The following TRMT11 variants were observed in gnomAD, a reference collection of about 807,000 sequenced individuals.
The protein encoded by TRMT11 is tRNA (guanine(10)-N(2))-methyltransferase TRMT11.
A neutral mutation model predicts 62.8 loss-of-function variants in TRMT11; 53 were observed. The observed-to-expected ratio is 0.84, with a 90% confidence interval of 0.68 to 1.06. The LOEUF is 1.06. Among genes scored for constraint, TRMT11 ranks in the 50% least tolerant of loss-of-function variants. TRMT11 has a pLI of 0.00. For synonymous variants in TRMT11, 188 were observed against 190.3 expected, an observed-to-expected ratio of 0.99 and a Z score of 0.10; for missense variants, 556 against 553.4, an observed-to-expected ratio of 1.00 and a Z score of -0.05.
chr6:126,209,051 T>C, the TRMT11 span, among the ~76,000 whole-genome samples: 1 of 152,230 alleles, frequency 6.6e-6, no homozygotes, highest in Non-Finnish European at 1.5e-5. Context: ...TATACACTAA[T>C]GTTTATGGCC....
At chr6:126,110,834 C>G (rs1777523161) in intron 17 of TRMT11, among the ~76,000 whole-genome samples, 1 of 152,054 alleles carries the variant, frequency 6.6e-6, no homozygotes, top group Admixed American at 6.6e-5. Context: ...TTATTGCATG[C>G]CTATAGTCCC....
chr6:126,053,900 G>C (rs1005949172), intron 17 of TRMT11, among the ~76,000 whole-genome samples: 2 of 152,186 alleles, frequency 1.3e-5, no homozygotes, highest in African/African-American at 2.4e-5. Flanking sequence ...GATCATGTCA[G>C]GGGGTGAGGG....
chr6:126,206,881 A>T (rs1353044572), downstream of TRMT11, among the ~76,000 whole-genome samples: 2 of 152,186 alleles, frequency 1.3e-5, no homozygotes, highest in Non-Finnish European at 2.9e-5. Context: ...CAAGGTGGGA[A>T]TTTTTCCTTT....
In TRMT11 at chr6:125,995,976, T is replaced by C; in HGVS notation, c.148T>C (p.Trp50Arg). 1.2e-6 allele frequency: 2 copies of C among 1,607,370 alleles called. No homozygotes were observed. The highest frequency in any genetic ancestry group is 1.1e-5 in the South Asian group (1 of 90,946). The change falls in exon 3 of 13, where the codon TGG (tryptophan) becomes CGG (arginine). Residue 50 changes from tryptophan (W) to arginine (R), a missense_variant. Physicochemically the swap from Trp to Arg is moderately radical, Grantham distance 101. Coordinates refer to ENST00000334379, the MANE Select transcript of TRMT11 (RefSeq NM_001031712.3). ...TTGTTATTTCTTTTAGTCACCATTT[T>C]GGATTCTTAGCATTCCCTCTGAAGA... ...SQETYGKSPF[W>R]ILSIPSEDIA...
At chr6:126,145,703 CTT>C (rs1356611544) in intron 21 of TRMT11, among the ~76,000 whole-genome samples, 2 of 152,148 alleles carry the variant, frequency 1.3e-5, no homozygotes, top group Non-Finnish European at 2.9e-5. Flanking sequence ...AGCCTTGTCA[CTT>C]TATCTACTGT....
chr6:126,151,814 C>CTTTCTT (rs1554242212), intron 21 of TRMT11, among the ~76,000 whole-genome samples: 6 of 90,702 alleles, frequency 6.6e-5, no homozygotes, highest in Non-Finnish European at 1.2e-4. Flanking sequence ...TCTTTTCTTT[C>CTTTCTT]TTTCTTTCTT....
intron 3 of TRMT11, among the ~76,000 whole-genome samples, chr6:126,201,040 CA>C (rs1343696379): frequency 6.6e-6 from 1 of 152,056 alleles, no homozygotes; most frequent in African/African-American, 2.4e-5. Flanking sequence ...GCTTTAAATG[CA>C]AATTTGAGTG....
the TRMT11 span, among the ~76,000 whole-genome samples, chr6:126,252,466 G>T: frequency 6.6e-6 from 1 of 152,094 alleles, no homozygotes; most frequent in African/African-American, 2.4e-5. Context: ...ATCTAGTCTT[G>T]GGACTCACAT....
the TRMT11 span, among the ~76,000 whole-genome samples, chr6:126,234,557 G>A: frequency 6.6e-6 from 1 of 152,120 alleles, no homozygotes; most frequent in Non-Finnish European, 1.5e-5. Flanking sequence ...TGGGATAAAT[G>A]CAGGTGCTTG....
intron 21 of TRMT11, among the ~76,000 whole-genome samples, chr6:126,169,615 G>A (rs1317771867): frequency 6.6e-6 from 1 of 152,158 alleles, no homozygotes; most frequent in Non-Finnish European, 1.5e-5. Flanking sequence ...AAAATATGTG[G>A]TCACCTGGCT....
At chr6:126,048,366 A>T (rs1191063852) in intron 16 of TRMT11, among the ~76,000 whole-genome samples, 1 of 152,172 alleles carries the variant, frequency 6.6e-6, no homozygotes, top group South Asian at 2.1e-4. Context: ...GAGCCTTGTT[A>T]TGTTTTTACT....
intron 16 of TRMT11, among the ~76,000 whole-genome samples, chr6:126,051,694 GGAT>G (rs140879584): frequency 5.8e-4 from 88 of 152,214 alleles, no homozygotes; most frequent in African/African-American, 2.0e-3. Flanking sequence ...GAGGAGTCAG[GGAT>G]GATATCTGAG....
At chr6:126,192,781 T>C (rs1583905341) in intron 1 of TRMT11, among the ~76,000 whole-genome samples, 1 of 152,200 alleles carries the variant, frequency 6.6e-6, no homozygotes, top group East Asian at 1.9e-4. Context: ...CTTGCATCCC[T>C]GGGAGAAATC....
At chr6:126,038,416 A>G (rs1004203484) in intron 12 of TRMT11, among the ~76,000 whole-genome samples, 20 of 143,662 alleles carry the variant, frequency 1.4e-4, no homozygotes, top group African/African-American at 4.4e-4. Flanking sequence ...GTTACTTGGA[A>G]CCACTCTCTT....
At chr6:126,153,821 G>A (rs778006847) in intron 21 of TRMT11, among the ~76,000 whole-genome samples, 2 of 152,226 alleles carry the variant, frequency 1.3e-5, no homozygotes, top group Non-Finnish European at 2.9e-5. Context: ...TGCATTGCAT[G>A]TTTTGCACAT....
chr6:126,259,449 A>C, the TRMT11 span, among the ~76,000 whole-genome samples: 1 of 152,214 alleles, frequency 6.6e-6, no homozygotes, highest in Non-Finnish European at 1.5e-5. Context: ...TGCCTGCCTC[A>C]GCCTCCCAAA....
At chr6:126,179,452 G>T (rs545739560) in intron 1 of TRMT11, among the ~76,000 whole-genome samples, 40 of 152,244 alleles carry the variant, frequency 2.6e-4, no homozygotes, top group African/African-American at 9.4e-4. Flanking sequence ...CAAATCAGCA[G>T]CATGTGACAG....
At chr6:126,167,439 T>C (rs1337995295) in intron 21 of TRMT11, among the ~76,000 whole-genome samples, 1 of 152,206 alleles carries the variant, frequency 6.6e-6, no homozygotes, top group Non-Finnish European at 1.5e-5. Context: ...CTCCATGGGC[T>C]GCACCCACTG....
intron 1 of TRMT11, 54 bp downstream of exon 1, chr6:125,986,676 G>A: frequency 6.7e-7 from 1 of 1,491,372 alleles, no homozygotes; most frequent in Non-Finnish European, 9.1e-7. Context: ...CTGGAGTGGA[G>A]TGGAGTGGGT....
Sources: gnomAD v4.1 joint callset for allele counts (sites outside exome capture counted in the v4.1 genomes callset) on GRCh38, gnomAD v4.1.1 for gene constraint, MANE v1.5 for transcripts, NCBI Gene and HGNC (gene_info 2026-07-23, HGNC 2026-07-21) for gene names.